Variants in ARMH3 observed in about 807,000 individuals in gnomAD.
ARMH3 encodes the protein armadillo like helical domain containing 3.
Under a neutral mutation model 99.1 loss-of-function variants are expected in ARMH3, and 60 were observed. The observed-to-expected ratio is 0.61, with a 90% CI of 0.49 to 0.75. ARMH3 has a LOEUF of 0.75. Ranked by LOEUF, ARMH3 falls within the 30% of genes least tolerant of loss-of-function variation. ARMH3 has a pLI of 0.00. For missense variants in ARMH3, 679 were observed against 843.1 expected, an observed-to-expected ratio of 0.81 and a Z score of 2.41; for synonymous variants, 285 against 292.8, an observed-to-expected ratio of 0.97 and a Z score of 0.27.
At position 101,939,911 on chromosome 10, in the gene ARMH3, T is replaced by C. The variant is rs547580217; in HGVS notation, c.1733A>G (p.Gln578Arg). 3 of 1,613,738 alleles carry C rather than the reference T, an allele frequency of 1.9e-6. No individual in the cohort carries two copies. Among genetic ancestry groups the C allele is most frequent in the South Asian group, 2.2e-5 (2 of 91,078 alleles). ...MVLRLSTNAG[Q>R]WKEAASKVTH... The stretch of plus-strand genomic sequence containing the variant: ...CACCTTGCTAGCTGCTTCCTTCCAC[T>C]GGCCTGCATTGGTAGAAAGCCTCAG... Residue 578 changes from glutamine (Q) to arginine (R), a missense_variant, in exon 23 of 26, where the codon CAG (glutamine) becomes CGG (arginine). Physicochemically the swap from Gln to Arg is conservative, Grantham distance 43. Coordinates refer to ENST00000370033, the MANE Select transcript of ARMH3 (RefSeq NM_024541.3).
chr10:101,973,897 A>G (rs1845881033), intron 20 of ARMH3, among the ~76,000 whole-genome samples: 1 of 152,188 alleles, frequency 6.6e-6, no homozygotes, highest in Non-Finnish European at 1.5e-5. Flanking sequence ...GATCTGCATC[A>G]TTATTGTGTT....
At chr10:101,945,105 A>C (rs956884267) in intron 22 of ARMH3, among the ~76,000 whole-genome samples, 10 of 152,176 alleles carry the variant, frequency 6.6e-5, no homozygotes, top group African/African-American at 1.9e-4. Flanking sequence ...AATTAAACAA[A>C]AGCAGACAGA....
intron 23 of ARMH3, among the ~76,000 whole-genome samples, chr10:101,908,196 C>A (rs1842715012): frequency 6.6e-6 from 1 of 152,118 alleles, no homozygotes; most frequent in Non-Finnish European, 1.5e-5. Flanking sequence ...TTAACTGCTG[C>A]ATTGTATAAG....
chr10:102,023,092 C>G (rs2066922344), intron 8 of ARMH3, among the ~76,000 whole-genome samples: 1 of 151,142 alleles, frequency 6.6e-6, no homozygotes, highest in South Asian at 2.1e-4. Flanking sequence ...GAGGCTGAGG[C>G]AGGAGAATTG....
intron 6 of ARMH3, among the ~76,000 whole-genome samples, chr10:102,024,754 C>T (rs190061810): frequency 3.1e-4 from 47 of 149,224 alleles, no homozygotes; most frequent in Middle Eastern, 7.1e-3. Flanking sequence ...AGGAGGCAGA[C>T]GTTGAAGTGA....
At chr10:101,944,263 TATATATATATAGAGAGAG>T (rs1197462145) in intron 22 of ARMH3, among the ~76,000 whole-genome samples, 1 of 64,150 alleles carries the variant, frequency 1.6e-5, no homozygotes, top group African/African-American at 7.5e-5. Flanking sequence ...TATATATATA[TATATATATATAGAGAGAG>T]AGAGAGAGAG....
intron 23 of ARMH3, among the ~76,000 whole-genome samples, chr10:101,932,404 A>C (rs1843758468): frequency 6.6e-6 from 1 of 152,250 alleles, no homozygotes; most frequent in South Asian, 2.1e-4. Flanking sequence ...CAGCAATAAC[A>C]CTTCTGGGTA....
intron 25 of ARMH3, among the ~76,000 whole-genome samples, chr10:101,849,174 G>GT (rs2066528373): frequency 6.6e-6 from 1 of 152,206 alleles, no homozygotes. Context: ...AGCTGGTAGG[G>GT]TTACAGGACT....
chr10:101,852,526 C>G (rs1202389463), intron 24 of ARMH3, among the ~76,000 whole-genome samples: 1 of 152,164 alleles, frequency 6.6e-6, no homozygotes. Flanking sequence ...GAGGCCGAGG[C>G]GGGCAGATCA....
At chr10:101,861,899 A>C (rs2066880899) in intron 24 of ARMH3, among the ~76,000 whole-genome samples, 2 of 148,708 alleles carry the variant, frequency 1.3e-5, no homozygotes, top group East Asian at 3.9e-4. Context: ...AAAAAAAAAA[A>C]ATTAGCCAGG....
At chr10:101,951,438 T>C (rs1225272786) in intron 22 of ARMH3, among the ~76,000 whole-genome samples, 3 of 152,074 alleles carry the variant, frequency 2.0e-5, no homozygotes, top group Non-Finnish European at 2.9e-5. Context: ...CCAGGTATGG[T>C]GACGCACACC....
chr10:101,930,731 A>C (rs1843689594), intron 23 of ARMH3, among the ~76,000 whole-genome samples: 2 of 152,184 alleles, frequency 1.3e-5, no homozygotes, highest in Non-Finnish European at 1.5e-5. Flanking sequence ...TCTGGTCCCT[A>C]CTAAGCCCAG....
chr10:101,869,430 G>A (rs1209267511), intron 24 of ARMH3, among the ~76,000 whole-genome samples: 1 of 152,024 alleles, frequency 6.6e-6, no homozygotes, highest in Non-Finnish European at 1.5e-5. Context: ...GACCATCAGG[G>A]AATTAAATAT....
chr10:101,898,528 T>C (rs1024359752), intron 23 of ARMH3, among the ~76,000 whole-genome samples: 2 of 152,208 alleles, frequency 1.3e-5, no homozygotes, highest in African/African-American at 4.8e-5. Flanking sequence ...AACATGGCGA[T>C]TGTTTCATTA....
intron 24 of ARMH3, among the ~76,000 whole-genome samples, chr10:101,883,831 A>G (rs1205969654): frequency 3.3e-5 from 5 of 152,054 alleles, no homozygotes. Context: ...ATCTCTACAA[A>G]AAATTTAAAA....
intron 23 of ARMH3, among the ~76,000 whole-genome samples, chr10:101,919,586 C>A (rs1590022115): frequency 6.6e-6 from 1 of 152,248 alleles, no homozygotes; most frequent in Non-Finnish European, 1.5e-5. Context: ...TGGCAAAGTT[C>A]CAGGCTTCTG....
chr10:102,007,656 TAAAAAAAAAAAAAA>T (rs961346897), intron 13 of ARMH3, among the ~76,000 whole-genome samples: 2 of 54,960 alleles, frequency 3.6e-5, no homozygotes, highest in African/African-American at 1.5e-4. Context: ...CTGTCTCTAC[TAAAAAAAAAAAAAA>T]AAAAAAAAAA....
chr10:101,956,179 G>A (rs1334943300), intron 22 of ARMH3, among the ~76,000 whole-genome samples: 1 of 152,150 alleles, frequency 6.6e-6, no homozygotes, highest in Non-Finnish European at 1.5e-5. Context: ...ACTTCCACTT[G>A]TAAGTTATGC....
chr10:101,933,182 T>A (rs972038993), intron 23 of ARMH3, among the ~76,000 whole-genome samples: 15 of 152,148 alleles, frequency 9.9e-5, no homozygotes, highest in Admixed American at 6.5e-4. Context: ...CAAGACTCTA[T>A]CTCAATTTAA....
Sources: allele counts gnomAD v4.1 joint callset (sites outside exome capture counted in the v4.1 genomes callset), GRCh38; gene constraint gnomAD v4.1.1; transcripts MANE v1.5; gene names NCBI Gene and HGNC (gene_info 2026-07-23, HGNC 2026-07-21).